CMSS1: variants seen among roughly 807,000 people sequenced by gnomAD.
The protein encoded by CMSS1 is cms1 ribosomal small subunit homolog, also known as protein CMSS1.
In CMSS1, 33 loss-of-function variants were observed where a neutral mutation model predicts 43.5. That is an observed-to-expected ratio of 0.76 (90% confidence interval 0.57 to 1.01). CMSS1 has a LOEUF of 1.01. Ranked by LOEUF, CMSS1 falls within the 50% of genes least tolerant of loss-of-function variation. CMSS1 has a pLI of 0.00. For synonymous variants in CMSS1, 115 were observed against 117.2 expected, an observed-to-expected ratio of 0.98 and a Z score of 0.12; for missense variants, 313 against 326.4, an observed-to-expected ratio of 0.96 and a Z score of 0.32.
rs377151813 is a variant in CMSS1, at chr3:99,848,816, T to C, written c.64+30773T>C. ...GAGGTTTTGGACTTTACTGGTGTTA[T>C]GGAGGCGTTTTGGAGGATGGTTATC... On this transcript the variant is annotated intron_variant, in intron 1 of 9. Transcript: ENST00000421999. The C allele has an allele frequency of 5.0e-6, 8 of 1,614,070 alleles. No homozygotes were observed. The South Asian group carries it at 6.6e-5, about 13-fold the overall frequency.
intron 2 of CMSS1, among the ~76,000 whole-genome samples, chr3:100,151,763 CTT>C (rs1227709137): frequency 6.6e-6 from 1 of 152,166 alleles, no homozygotes; most frequent in African/African-American, 2.4e-5. Context: ...CCCCCAGTGA[CTT>C]ATATCCCTTC....
intron 1 of CMSS1, among the ~76,000 whole-genome samples, chr3:100,110,265 G>A (rs572576656): frequency 4.3e-4 from 66 of 152,178 alleles, no homozygotes; most frequent in African/African-American, 1.5e-3. Context: ...AGATGTTAGG[G>A]GCAGCTGAAA....
chr3:99,974,879 C>G (rs1708924577), intron 1 of CMSS1, among the ~76,000 whole-genome samples: 1 of 152,150 alleles, frequency 6.6e-6, no homozygotes, highest in Non-Finnish European at 1.5e-5. Context: ...GGCATGGGCT[C>G]TTGTGTTTGC....
intron 1 of CMSS1, among the ~76,000 whole-genome samples, chr3:99,878,288 T>A (rs540827059): frequency 1.3e-5 from 2 of 152,352 alleles, no homozygotes; most frequent in East Asian, 3.9e-4. Context: ...CCATACTTAG[T>A]GCTCTACAAG....
At chr3:99,838,895 A>T (rs1576498574) in intron 1 of CMSS1, among the ~76,000 whole-genome samples, 1 of 152,154 alleles carries the variant, frequency 6.6e-6, no homozygotes, top group South Asian at 2.1e-4. Flanking sequence ...CTGTGAAGAC[A>T]CAGAGACTCC....
chr3:100,114,345 C>T (rs1181775607), intron 1 of CMSS1: 2 of 152,268 alleles, frequency 1.3e-5, no homozygotes, highest in Non-Finnish European at 2.9e-5. Flanking sequence ...AGACAGGCAG[C>T]CTTACCAAAA....
At chr3:100,143,018 C>A (rs1187913174) in intron 1 of CMSS1, among the ~76,000 whole-genome samples, 1 of 152,116 alleles carries the variant, frequency 6.6e-6, no homozygotes, top group Non-Finnish European at 1.5e-5. Context: ...AGGCTACCAA[C>A]AGTGTAGAAA....
At chr3:100,016,055 C>G (rs972822745) in intron 1 of CMSS1, among the ~76,000 whole-genome samples, 2 of 151,984 alleles carry the variant, frequency 1.3e-5, no homozygotes. Flanking sequence ...TTAGATGACC[C>G]AAGATTATTA....
intron 1 of CMSS1, among the ~76,000 whole-genome samples, chr3:99,973,583 C>G (rs1175190268): frequency 6.6e-6 from 1 of 152,104 alleles, no homozygotes; most frequent in Non-Finnish European, 1.5e-5. Context: ...TTATCAACAT[C>G]CTCCCTTCAG....
At chr3:100,019,588 A>G (rs1403254468) in intron 1 of CMSS1, among the ~76,000 whole-genome samples, 2 of 152,222 alleles carry the variant, frequency 1.3e-5, no homozygotes, top group African/African-American at 4.8e-5. Flanking sequence ...ATTTAAAGAC[A>G]GTAGTAGATA....
intron 1 of CMSS1, among the ~76,000 whole-genome samples, chr3:99,893,311 G>A (rs1469248307): frequency 3.3e-5 from 5 of 151,692 alleles, no homozygotes; most frequent in Non-Finnish European, 7.4e-5. Context: ...GACTACAGGC[G>A]CCTGCCACCA....
intron 1 of CMSS1, among the ~76,000 whole-genome samples, chr3:100,048,964 C>T (rs897508892): frequency 6.6e-6 from 1 of 152,162 alleles, no homozygotes; most frequent in African/African-American, 2.4e-5. Flanking sequence ...TTACCACACA[C>T]ACAATTGTCT....
chr3:100,152,816 C>G (rs944693325), intron 2 of CMSS1, among the ~76,000 whole-genome samples: 4 of 152,112 alleles, frequency 2.6e-5, no homozygotes, highest in Non-Finnish European at 5.9e-5. Context: ...ACAAAGAGCC[C>G]CTTTCCTTTA....
intron 1 of CMSS1, among the ~76,000 whole-genome samples, chr3:99,958,402 A>G (rs1024668176): frequency 5.9e-5 from 9 of 152,126 alleles, no homozygotes; most frequent in Admixed American, 5.9e-4. Flanking sequence ...GCCATGAAAA[A>G]GCTGCTACAG....
chr3:100,075,020 T>G (rs934919393), intron 1 of CMSS1, among the ~76,000 whole-genome samples: 1 of 152,058 alleles, frequency 6.6e-6, no homozygotes, highest in Non-Finnish European at 1.5e-5. Flanking sequence ...TAATGATTTT[T>G]TATAAACCTT....
At chr3:100,000,992 G>A (rs902249915) in intron 1 of CMSS1, among the ~76,000 whole-genome samples, 109 of 152,246 alleles carry the variant, frequency 7.2e-4, no homozygotes, top group Non-Finnish European at 1.0e-3. Flanking sequence ...TAGTTACTGG[G>A]TGATAGATTT....
chr3:99,943,491 G>A (rs1039250636), intron 1 of CMSS1, among the ~76,000 whole-genome samples: 6 of 152,248 alleles, frequency 3.9e-5, no homozygotes, highest in African/African-American at 1.4e-4. Context: ...ATCATCTGAG[G>A]TCAGGAGTTT....
chr3:99,972,516 G>C (rs887697795), intron 1 of CMSS1, among the ~76,000 whole-genome samples: 10 of 152,074 alleles, frequency 6.6e-5, no homozygotes, highest in African/African-American at 2.2e-4. Context: ...TTGGTGACAC[G>C]GCCTCATTTT....
rs2067180879 is a variant in CMSS1, at chr3:100,180,917, A to G, written c.*2529A>G. The G allele has an allele frequency of 6.6e-6, 1 of 152,246 alleles. No individual in the cohort carries two copies. Among genetic ancestry groups the G allele is most frequent in the South Asian group, 2.1e-4 (1 of 4,836 alleles). The allele number at this position is 152,246 out of a possible 1,614,324, so 9.4% of individuals were successfully genotyped here. On this transcript the variant is annotated 3_prime_UTR_variant, in exon 10 of 10. Coordinates refer to ENST00000421999, the MANE Select transcript of CMSS1 (RefSeq NM_032359.4). Reference sequence around the variant, plus strand: ...AGAGGTTTAATTGACTTCCAGTTCCACAGACTGTACAGGAGGATGGCTGGG... The same window carrying G: ...AGAGGTTTAATTGACTTCCAGTTCCGCAGACTGTACAGGAGGATGGCTGGG...
Sources: gnomAD v4.1 joint callset for allele counts (sites outside exome capture counted in the v4.1 genomes callset) on GRCh38, gnomAD v4.1.1 for gene constraint, MANE v1.5 for transcripts, NCBI Gene and HGNC (gene_info 2026-07-23, HGNC 2026-07-21) for gene names.